The following NAALADL2 variants were observed in gnomAD, a reference collection of about 807,000 sequenced individuals.
The protein encoded by NAALADL2 is N-acetylated alpha-linked acidic dipeptidase like 2.
Under a neutral mutation model 87.2 loss-of-function variants are expected in NAALADL2, and 76 were observed. That is an observed-to-expected ratio of 0.87 (90% CI 0.72 to 1.05). The LOEUF is 1.05. NAALADL2 is among the 50% of genes least tolerant of loss of function. The pLI is 0.00. For missense variants in NAALADL2, 1,089 were observed against 945.8 expected (o/e 1.15, Z -1.99); for synonymous variants, 354 against 331.0 (o/e 1.07, Z -0.75).
Position 174,481,986 on chromosome 3 carries a change from A to T in NAALADL2, c.-184+40954A>T, listed in dbSNP as rs139075117. Reference sequence around the variant, plus strand: ...TGTTGTGTGTACACACAATGTAGGTACAGTGAGTTATTAGGGAATGGGGGA... The same window carrying T: ...TGTTGTGTGTACACACAATGTAGGTTCAGTGAGTTATTAGGGAATGGGGGA... On this transcript the variant is annotated intron_variant, in intron 1 of 3. Coordinates refer to the NAALADL2 transcript ENST00000434257. 1.7e-3 allele frequency among the ~76,000 whole-genome samples: 266 copies of T among 152,204 alleles called. 1 individual carries two copies. The highest frequency in any genetic ancestry group is 6.2e-3 in the African/African-American group (259 of 41,550).
chr3:175,244,885 G>A (rs1429751227), intron 3 of NAALADL2, among the ~76,000 whole-genome samples: 1 of 152,108 alleles, frequency 6.6e-6, no homozygotes, highest in Non-Finnish European at 1.5e-5. Context: ...TTTCTGAACT[G>A]TTGATGTCTA....
At chr3:174,859,027 C>T (rs1236064107), upstream of NAALADL2, among the ~76,000 whole-genome samples, 2 of 152,000 alleles carry the variant, frequency 1.3e-5, no homozygotes, top group Non-Finnish European at 2.9e-5. Context: ...AGATTAGAAA[C>T]ACTCAAAAAC....
At chr3:174,644,747 C>A (rs921441435) in intron 2 of NAALADL2, among the ~76,000 whole-genome samples, 1 of 152,176 alleles carries the variant, frequency 6.6e-6, no homozygotes, top group Non-Finnish European at 1.5e-5. Context: ...TGAGTATTAT[C>A]TGTTGTTTTT....
chr3:174,849,564 G>T (rs1038678201), intron 3 of NAALADL2, among the ~76,000 whole-genome samples: 2 of 151,698 alleles, frequency 1.3e-5, no homozygotes, highest in Admixed American at 6.6e-5. Flanking sequence ...GGGAAACCCC[G>T]TATCTACTAA....
intron 11 of NAALADL2, among the ~76,000 whole-genome samples, chr3:175,707,482 CTCA>C (rs561986782): frequency 7.0e-4 from 107 of 152,230 alleles, no homozygotes; most frequent in Non-Finnish European, 1.2e-3. Context: ...AGTCACCTTT[CTCA>C]TCATCAACTT....
chr3:175,545,772 C>G (rs1455936872), intron 9 of NAALADL2, among the ~76,000 whole-genome samples: 1 of 152,128 alleles, frequency 6.6e-6, no homozygotes, highest in Non-Finnish European at 1.5e-5. Flanking sequence ...ATATTCTCAA[C>G]ACATCAAAAT....
rs145143549 is a variant in NAALADL2 at position 175,152,498 on chromosome 3, G to A, written c.545+55207G>A. ...TATGTATGTGGGTACATAATTCCTA[G>A]GGAAGATTAAAGAGAACTGGCACAC... On this transcript the variant is annotated intron_variant, in intron 2 of 13. Coordinates refer to ENST00000454872, the MANE Select transcript of NAALADL2 (RefSeq NM_207015.3). Among the ~76,000 whole-genome samples, 395 of 152,172 alleles carry A rather than the reference G, an allele frequency of 2.6e-3. 1 individual carries two copies. Among genetic ancestry groups the A allele is most frequent in the African/African-American group, 9.2e-3 (382 of 41,526 alleles).
chr3:175,619,236 AAAGGAAGG>A (rs1553933925), intron 10 of NAALADL2, among the ~76,000 whole-genome samples: 11 of 142,410 alleles, frequency 7.7e-5, no homozygotes, highest in East Asian at 2.1e-4. Flanking sequence ...AGAAAGAAAG[AAAGGAAGG>A]AAGGAAGGAA....
At chr3:175,668,689 A>C (rs190442219) in intron 11 of NAALADL2, among the ~76,000 whole-genome samples, 1 of 152,246 alleles carries the variant, frequency 6.6e-6, no homozygotes, top group African/African-American at 2.4e-5. Flanking sequence ...ATTTCTCCTC[A>C]ACAGCTTTGC....
intron 3 of NAALADL2, among the ~76,000 whole-genome samples, chr3:174,761,774 G>C (rs1710235): frequency 0.36 from 41,306 of 113,854 alleles, 6,450 homozygotes; most frequent in Middle Eastern, 0.48. Context: ...CCCACCCCAC[G>C]ACAGTCCCTG....
chr3:175,114,878 G>A lies in NAALADL2; in HGVS notation c.545+17587G>A, dbSNP rs148612562. Among the ~76,000 whole-genome samples, 16 of 151,718 alleles carry A rather than the reference G, an allele frequency of 1.1e-4. No individual in the cohort carries two copies. The East Asian group carries it at 2.7e-3, about 26-fold the overall frequency. On this transcript the variant is annotated intron_variant, in intron 2 of 13. Coordinates refer to ENST00000454872, the MANE Select transcript of NAALADL2 (RefSeq NM_207015.3). ...TCTAAGATGACGTATATTGGCTATA[G>A]TAATTCACTTTGGCCAAAGCAAATC... is the stretch of plus-strand genomic sequence containing the variant.
At chr3:175,556,257 T>TA (rs953483346) in intron 9 of NAALADL2, among the ~76,000 whole-genome samples, 25 of 149,098 alleles carry the variant, frequency 1.7e-4, no homozygotes, top group Non-Finnish European at 1.6e-4. Context: ...GAAGACGATT[T>TA]AAAAAAAAAA....
chr3:174,531,941 G>A (rs1248297072), intron 1 of NAALADL2, among the ~76,000 whole-genome samples: 1 of 152,070 alleles, frequency 6.6e-6, no homozygotes, highest in South Asian at 2.1e-4. Flanking sequence ...AAATATTAAA[G>A]TCCTCATAAA....
At chr3:174,873,949 T>C (rs189565116) in intron 1 of NAALADL2, among the ~76,000 whole-genome samples, 27 of 152,138 alleles carry the variant, frequency 1.8e-4, no homozygotes, top group African/African-American at 6.3e-4. Context: ...AAACCAGTTG[T>C]ACAAAGGCAT....
At chr3:175,118,023 T>A (rs1205177949) in intron 2 of NAALADL2, among the ~76,000 whole-genome samples, 1 of 151,590 alleles carries the variant, frequency 6.6e-6, no homozygotes, top group Non-Finnish European at 1.5e-5. Context: ...GGACAGAAAA[T>A]CAAACACCAC....
At chr3:174,534,294 CA>C (rs139369716) in intron 1 of NAALADL2, among the ~76,000 whole-genome samples, 2 of 151,674 alleles carry the variant, frequency 1.3e-5, no homozygotes, top group Non-Finnish European at 2.9e-5. Flanking sequence ...ACAATATAAA[CA>C]AAAAAAATGT....
chr3:175,543,927 T>A (rs2149475400), intron 9 of NAALADL2, among the ~76,000 whole-genome samples: 1 of 152,348 alleles, frequency 6.6e-6, no homozygotes, highest in African/African-American at 2.4e-5. Flanking sequence ...AAAGGAGGTC[T>A]TAGCTGACAT....
At chr3:175,263,918 T>C (rs1751512469) in intron 4 of NAALADL2, among the ~76,000 whole-genome samples, 1 of 151,870 alleles carries the variant, frequency 6.6e-6, no homozygotes, top group Non-Finnish European at 1.5e-5. Flanking sequence ...GGGCAATTAC[T>C]TGGGCTTATC....
chr3:175,141,898 T>TGG (rs1730053655), intron 2 of NAALADL2, among the ~76,000 whole-genome samples: 1 of 152,126 alleles, frequency 6.6e-6, no homozygotes, highest in Non-Finnish European at 1.5e-5. Context: ...AGATGTAATT[T>TGG]GGAAGGCCAG....
Sources: gnomAD v4.1 joint callset for allele counts (sites outside exome capture counted in the v4.1 genomes callset) on GRCh38, gnomAD v4.1.1 for gene constraint, MANE v1.5 for transcripts, NCBI Gene and HGNC (gene_info 2026-07-23, HGNC 2026-07-21) for gene names.